Variants in CLEC16A observed in about 807,000 individuals in gnomAD.
CLEC16A encodes C-type lectin domain containing 16A.
A neutral mutation model predicts 109.5 loss-of-function variants in CLEC16A; 51 were observed. That is an observed-to-expected ratio of 0.47 (90% CI 0.37 to 0.59). The LOEUF is 0.59. Among genes scored for constraint, CLEC16A ranks in the 20% least tolerant of loss-of-function variants. The pLI is 0.00. For missense variants in CLEC16A, 1,339 were observed against 1,394.0 expected, an observed-to-expected ratio of 0.96 and a Z score of 0.63; for synonymous variants, 673 against 564.2, an observed-to-expected ratio of 1.19 and a Z score of -2.73.
At chr16:10,968,855 C>G (rs1305118664) in intron 3 of CLEC16A, among the ~76,000 whole-genome samples, 2 of 152,192 alleles carry the variant, frequency 1.3e-5, no homozygotes, top group Non-Finnish European at 2.9e-5. Flanking sequence ...TAATCTCCCC[C>G]TACTCCCAGC....
chr16:11,058,589 A>G (rs554352115), intron 18 of CLEC16A, among the ~76,000 whole-genome samples: 17 of 152,204 alleles, frequency 1.1e-4, no homozygotes, highest in African/African-American at 3.6e-4. Context: ...CCATGGATAC[A>G]GAGAGCTGAC....
chr16:11,133,012 C>T (rs2053321612), intron 22 of CLEC16A, among the ~76,000 whole-genome samples: 1 of 152,162 alleles, frequency 6.6e-6, no homozygotes, highest in Non-Finnish European at 1.5e-5. Flanking sequence ...GCAAGTTGGA[C>T]TTCATCCCTT....
At chr16:10,989,540 G>A (rs568769445) in intron 10 of CLEC16A, among the ~76,000 whole-genome samples, 21 of 152,344 alleles carry the variant, frequency 1.4e-4, no homozygotes, top group African/African-American at 4.8e-4. Flanking sequence ...CAGCTGGAAA[G>A]TATAAATACT....
chr16:11,152,328 G>C (rs561933454), intron 22 of CLEC16A, among the ~76,000 whole-genome samples: 54 of 152,252 alleles, frequency 3.5e-4, no homozygotes, highest in Non-Finnish European at 7.5e-4. Flanking sequence ...CCCTCTGCAG[G>C]CGGGCGGCTG....
At position 10,954,670 on chromosome 16, in the gene CLEC16A, G is replaced by T. The variant is rs1043744468; in HGVS notation, c.81-3112G>T. Among the ~76,000 whole-genome samples, 29 of 152,200 alleles carry T rather than the reference G, an allele frequency of 1.9e-4. No homozygotes were observed. Among genetic ancestry groups the T allele is most frequent in the African/African-American group, 6.0e-4 (25 of 41,436 alleles). ...GGTGTGCTCAGACCCAGGCATTCCA[G>T]TGTCTGTGATTAACCCTATGTTCTA... is the stretch of plus-strand genomic sequence containing the variant. On this transcript the variant is annotated intron_variant, in intron 1 of 23. Transcript: ENST00000409790. This position sits in a 1 kb window ranked among gnomAD's most constrained non-coding sequence, Gnocchi z 4.2.
In CLEC16A at chr16:10,977,418, C is replaced by A. The variant is rs761802829; in HGVS notation, c.903+19C>A. On this transcript the variant is annotated intron_variant, in intron 8 of 23. Transcript: ENST00000409790. The stretch of plus-strand genomic sequence containing the variant: ...GGACAAGGTGGGTCCAGCCCCGTGG[C>A]TCCCGCTGGCTGAAGGCCATCAGAA... The A allele has an allele frequency of 6.2e-7, 1 of 1,604,846 alleles. No homozygotes were observed. Among genetic ancestry groups the A allele is most frequent in the African/African-American group, 1.3e-5 (1 of 74,718 alleles).
chr16:11,126,687 T>C (rs1288205085), intron 22 of CLEC16A: 2 of 179,090 alleles, frequency 1.1e-5, no homozygotes, highest in Non-Finnish European at 1.2e-5. Context: ...GAAAGTCCAT[T>C]GCTGATTTGT....
At chr16:11,093,406 C>T in intron 19 of CLEC16A, among the ~76,000 whole-genome samples, 1 of 152,190 alleles carries the variant, frequency 6.6e-6, no homozygotes, top group Non-Finnish European at 1.5e-5. Flanking sequence ...TAAACCCTAG[C>T]TGACACTTCC....
intron 11 of CLEC16A, among the ~76,000 whole-genome samples, chr16:11,017,546 G>C (rs1464876919): frequency 6.6e-6 from 1 of 152,204 alleles, no homozygotes; most frequent in Non-Finnish European, 1.5e-5. Flanking sequence ...TGTGTTTACT[G>C]ACTTTCTTCC....
At chr16:11,127,156 T>C (rs1331325331) in intron 22 of CLEC16A, among the ~76,000 whole-genome samples, 2 of 152,232 alleles carry the variant, frequency 1.3e-5, no homozygotes, top group African/African-American at 4.8e-5. Context: ...CAGAAATATT[T>C]CTTTGTATGT....
chr16:11,138,371 A>C (rs1597527500), intron 22 of CLEC16A, among the ~76,000 whole-genome samples: 1 of 152,352 alleles, frequency 6.6e-6, no homozygotes, highest in East Asian at 1.9e-4. Context: ...CCCGATAGCA[A>C]AGCGCTTTGT....
In CLEC16A at chr16:10,957,917, G is replaced by T. The variant is rs2042067123; in HGVS notation, c.209+7G>T. 4 of 1,612,652 alleles carry T rather than the reference G, an allele frequency of 2.5e-6. No homozygotes were observed. The highest frequency in any genetic ancestry group is 2.7e-5 in the African/African-American group (2 of 74,836). On this transcript the variant is annotated splice_region_variant and intron_variant, in intron 2 of 23. Transcript: ENST00000409790. ...ATGACAGCTCTGTATTTGAGTAAGG[G>T]TTTCTAATGATTGCTGTTCTTTGAT...
chr16:11,136,462 T>C (rs1194239753), intron 22 of CLEC16A, among the ~76,000 whole-genome samples: 2 of 135,908 alleles, frequency 1.5e-5, no homozygotes, highest in Non-Finnish European at 3.0e-5. Context: ...TCTTGCCATT[T>C]TGTTGTTGTT....
chr16:10,977,542 T>G, intron 8 of CLEC16A, 143 bp downstream of exon 8: 1 of 830,144 alleles, frequency 1.2e-6, no homozygotes, highest in Non-Finnish European at 1.8e-6. Context: ...AAGACGGAGT[T>G]TTGCTCTTTT....
At chr16:11,043,512 C>A (rs553655379) in intron 15 of CLEC16A, among the ~76,000 whole-genome samples, 3 of 152,294 alleles carry the variant, frequency 2.0e-5, no homozygotes, top group African/African-American at 7.2e-5. Context: ...AATCGAATTA[C>A]CTATCCTTTC....
chr16:11,024,510 C>T (rs2046299679), intron 12 of CLEC16A: 1 of 290,806 alleles, frequency 3.4e-6, no homozygotes, highest in Non-Finnish European at 6.7e-6. Flanking sequence ...TGTCTACCAG[C>T]TGACACGGGA....
chr16:10,956,851 C>CA (rs1567499702), intron 1 of CLEC16A, among the ~76,000 whole-genome samples: 1 of 152,158 alleles, frequency 6.6e-6, no homozygotes, highest in African/African-American at 2.4e-5. Context: ...GGCTGGAGTG[C>CA]AATGGTGTGA....
chr16:11,051,960 G>T (rs2047967621), intron 18 of CLEC16A, among the ~76,000 whole-genome samples: 1 of 152,200 alleles, frequency 6.6e-6, no homozygotes, highest in Non-Finnish European at 1.5e-5. Flanking sequence ...ACCATCGGGG[G>T]TGAGCACGGT....
At chr16:10,988,453 A>C (rs1168858082) in intron 10 of CLEC16A, among the ~76,000 whole-genome samples, 1 of 152,142 alleles carries the variant, frequency 6.6e-6, no homozygotes, top group Non-Finnish European at 1.5e-5. Flanking sequence ...CACCTGTGCC[A>C]TCATGGGGCT....
Sources: allele counts gnomAD v4.1 joint callset (sites outside exome capture counted in the v4.1 genomes callset), GRCh38; gene constraint gnomAD v4.1.1; non-coding constraint Gnocchi (gnomAD v3.1); transcripts MANE v1.5; gene names NCBI Gene and HGNC (gene_info 2026-07-23, HGNC 2026-07-21).